The following GRIK2 variants were observed in gnomAD, a reference collection of about 807,000 sequenced individuals.
GRIK2 encodes glutamate ionotropic receptor kainate type subunit 2, also known as glutamate receptor ionotropic, kainate 2.
A neutral mutation model predicts 100.3 loss-of-function variants in GRIK2; 32 were observed. The ratio of observed to expected loss-of-function variants is 0.32; its 90% CI spans 0.24 to 0.43. GRIK2 has a LOEUF of 0.43. GRIK2 is among the 20% of genes least tolerant of loss of function. The pLI is 1.00. For synonymous variants in GRIK2, 417 were observed against 389.4 expected (o/e 1.07, Z -0.83); for missense variants, 843 against 1,114.9 (o/e 0.76, Z 3.47).
At chr6:101,526,127 G>A (rs1775143708) in intron 2 of GRIK2, among the ~76,000 whole-genome samples, 1 of 152,160 alleles carries the variant, frequency 6.6e-6, no homozygotes, top group South Asian at 2.1e-4. Flanking sequence ...CGACCTCAGT[G>A]CAGATGGCTC....
intron 2 of GRIK2, among the ~76,000 whole-genome samples, chr6:101,412,066 T>C (rs1190042597): frequency 3.9e-5 from 6 of 152,066 alleles, no homozygotes; most frequent in East Asian, 1.9e-4. Flanking sequence ...CCAGCCTAGA[T>C]GGTATTTATT....
At chr6:101,574,715 T>G (rs1777719973) in intron 2 of GRIK2, among the ~76,000 whole-genome samples, 1 of 151,804 alleles carries the variant, frequency 6.6e-6, no homozygotes, top group Non-Finnish European at 1.5e-5. Flanking sequence ...TACTCGGATA[T>G]TTTAATAGAA....
In GRIK2 at chr6:101,506,934, T is replaced by C. The variant is rs118058202; in HGVS notation, c.115+107542T>C. Among the ~76,000 whole-genome samples the C allele has an allele frequency of 8.6e-3, 1,313 of 152,248 alleles. 15 individuals are homozygous for C. Among genetic ancestry groups the C allele is most frequent in the Middle Eastern group, 0.017 (5 of 294 alleles). On this transcript the variant is annotated intron_variant, in intron 2 of 16. Transcript: ENST00000369134. ...TCTGTTTTTAGTATCATTAAAGCAA[T>C]GTTCACTTGCGTTATTCAGACCACT...
intron 2 of GRIK2, among the ~76,000 whole-genome samples, chr6:101,579,352 A>T (rs1050303895): frequency 6.6e-6 from 1 of 152,120 alleles, no homozygotes; most frequent in African/African-American, 2.4e-5. Flanking sequence ...CTAGTCAGGA[A>T]GATTGCTTCC....
intron 2 of GRIK2, among the ~76,000 whole-genome samples, chr6:101,572,899 A>C (rs950307186): frequency 6.6e-6 from 1 of 151,036 alleles, no homozygotes; most frequent in African/African-American, 2.4e-5. Context: ...CCCAGGCTGC[A>C]CTGCAGTGAC....
At chr6:101,905,497 G>A (rs1435797789) in intron 12 of GRIK2, among the ~76,000 whole-genome samples, 1 of 151,424 alleles carries the variant, frequency 6.6e-6, no homozygotes, top group East Asian at 1.9e-4. Flanking sequence ...AGTTAGTAAA[G>A]TTATATTATT....
chr6:102,016,710 T>C (rs555375254), intron 14 of GRIK2, among the ~76,000 whole-genome samples: 1 of 152,178 alleles, frequency 6.6e-6, no homozygotes, highest in Non-Finnish European at 1.5e-5. Flanking sequence ...TTTCAAGATA[T>C]GATCCATGAG....
intron 2 of GRIK2, among the ~76,000 whole-genome samples, chr6:101,486,479 C>T (rs1480711686): frequency 6.6e-6 from 1 of 151,844 alleles, no homozygotes; most frequent in Non-Finnish European, 1.5e-5. Context: ...GCCACTAAGA[C>T]ATTTGAGCAA....
chr6:101,644,581 T>A (rs536663909), intron 4 of GRIK2, among the ~76,000 whole-genome samples: 1 of 151,976 alleles, frequency 6.6e-6, no homozygotes, highest in South Asian at 2.1e-4. Context: ...CTGGACAGGT[T>A]GGAGGCATAA....
chr6:101,454,615 T>A (rs1334066007), intron 2 of GRIK2, among the ~76,000 whole-genome samples: 2 of 152,102 alleles, frequency 1.3e-5, no homozygotes, highest in African/African-American at 2.4e-5. Context: ...ATACTGAGAT[T>A]TTTTTTATTT....
At chr6:101,851,436 T>TG (rs1193941700) in intron 10 of GRIK2, among the ~76,000 whole-genome samples, 2 of 151,946 alleles carry the variant, frequency 1.3e-5, no homozygotes, top group Non-Finnish European at 1.5e-5. Context: ...TCAGTTTCTG[T>TG]GAAAAATAAA....
At chr6:102,005,362 A>ACTT (rs1004765877) in intron 14 of GRIK2, among the ~76,000 whole-genome samples, 2 of 151,938 alleles carry the variant, frequency 1.3e-5, no homozygotes, top group African/African-American at 4.8e-5. Flanking sequence ...TATATTTGGG[A>ACTT]CTTCTTATTT....
intron 2 of GRIK2, among the ~76,000 whole-genome samples, chr6:101,615,768 CA>C (rs574196127): frequency 2.0e-5 from 3 of 151,734 alleles, no homozygotes; most frequent in Non-Finnish European, 4.4e-5. Flanking sequence ...ATCATGTGAA[CA>C]ATTATCCTTT....
chr6:101,823,910 C>T (rs1782137985), intron 10 of GRIK2, among the ~76,000 whole-genome samples: 1 of 150,562 alleles, frequency 6.6e-6, no homozygotes, highest in Non-Finnish European at 1.5e-5. Flanking sequence ...CTCTGTCGCC[C>T]AGGCTGCAGT....
rs75579562 is a variant in GRIK2, at chr6:101,785,397, C to T, written c.952-14251C>T. On this transcript the variant is annotated intron_variant, in intron 7 of 16. Coordinates refer to ENST00000369134, the MANE Select transcript of GRIK2 (RefSeq NM_021956.5). Reference sequence around the variant, plus strand: ...TTAGCCATAGAGTATTTGCCTAGACCAATGTCCTAGAGTGTTAGTCTGTGT... The same window carrying T: ...TTAGCCATAGAGTATTTGCCTAGACTAATGTCCTAGAGTGTTAGTCTGTGT... Among the ~76,000 whole-genome samples the T allele has an allele frequency of 9.2e-3, 1,404 of 152,180 alleles. 14 individuals carry two copies. Among genetic ancestry groups the T allele is most frequent in the Middle Eastern group, 0.021 (6 of 292 alleles).
intron 2 of GRIK2, among the ~76,000 whole-genome samples, chr6:101,484,271 C>T (rs907020564): frequency 6.6e-6 from 1 of 152,040 alleles, no homozygotes; most frequent in Non-Finnish European, 1.5e-5. Flanking sequence ...CATTTATAAC[C>T]ATCTCCTTCC....
chr6:101,828,776 G>T (rs1782494545), intron 10 of GRIK2, among the ~76,000 whole-genome samples: 1 of 151,562 alleles, frequency 6.6e-6, no homozygotes, highest in South Asian at 2.1e-4. Context: ...AATCATTATT[G>T]CTGATCAACC....
In GRIK2 at chr6:101,923,140, G is replaced by T. The variant is rs2128469846; in HGVS notation, c.1749-1461G>T. Among the ~76,000 whole-genome samples, 3 of 152,198 alleles carry T rather than the reference G, an allele frequency of 2.0e-5. No homozygotes were observed. The Middle Eastern group carries it at 0.01, about 518-fold the overall frequency. ...TGCATTAGAAAGATGAAAATGATTT[G>T]TTTAATCTTCTGAATTTTCATATGT... is the stretch of plus-strand genomic sequence containing the variant. On this transcript the variant is annotated intron_variant, in intron 12 of 16. Transcript: ENST00000369134.
intron 14 of GRIK2, among the ~76,000 whole-genome samples, chr6:101,943,856 C>T (rs539813251): frequency 1.3e-5 from 2 of 152,156 alleles, no homozygotes; most frequent in African/African-American, 2.4e-5. Flanking sequence ...TGGGTTAATG[C>T]TGGACACTGT....
Sources: gnomAD v4.1 joint callset for allele counts (sites outside exome capture counted in the v4.1 genomes callset) on GRCh38, gnomAD v4.1.1 for gene constraint, MANE v1.5 for transcripts, NCBI Gene and HGNC (gene_info 2026-07-23, HGNC 2026-07-21) for gene names.